Variants in NUP210L observed in about 807,000 individuals in gnomAD.
NUP210L encodes nuclear pore membrane glycoprotein 210-like.
Under a neutral mutation model 208.5 loss-of-function variants are expected in NUP210L, and 74 were observed. That is an observed-to-expected ratio of 0.35 (90% CI 0.29 to 0.43). The LOEUF (loss-of-function observed/expected upper bound fraction) is 0.43, where lower values mean the gene tolerates loss of function less well. Among genes scored for constraint, NUP210L ranks in the 20% least tolerant of loss-of-function variants. The pLI is 1.00. For missense variants in NUP210L, 1,843 were observed against 2,289.4 expected (o/e 0.81, Z 3.98); for synonymous variants, 780 against 816.9 (o/e 0.95, Z 0.77).
intron 17 of NUP210L, among the ~76,000 whole-genome samples, chr1:154,062,736 C>T (rs1025220017): frequency 1.3e-5 from 2 of 151,636 alleles, no homozygotes; most frequent in African/African-American, 4.8e-5. Context: ...CACAGGTGCA[C>T]GTCAACATGC....
intron 25 of NUP210L, among the ~76,000 whole-genome samples, chr1:154,052,368 A>G (rs1653561088): frequency 6.6e-6 from 1 of 152,166 alleles, no homozygotes; most frequent in African/African-American, 2.4e-5. Context: ...CAGCCATGTC[A>G]AGACTGATGC....
chr1:154,124,184 C>T (rs1427411948), intron 10 of NUP210L, among the ~76,000 whole-genome samples: 2 of 107,522 alleles, frequency 1.9e-5, no homozygotes, highest in African/African-American at 8.2e-5. Flanking sequence ...GAGACTCCAT[C>T]TCAAAAAGAA....
intron 10 of NUP210L, among the ~76,000 whole-genome samples, chr1:154,120,397 T>A (rs1182630699): frequency 6.6e-6 from 1 of 152,046 alleles, no homozygotes; most frequent in Non-Finnish European, 1.5e-5. Context: ...AAACACCGTA[T>A]GCTCTCACTC....
At chr1:154,100,206 T>C in intron 13 of NUP210L, 63 bp from the exon 14 acceptor site, 3 of 1,514,154 alleles carry the variant, frequency 2.0e-6, no homozygotes, top group Non-Finnish European at 2.7e-6. Context: ...TCCCAGCACT[T>C]TGGGAGGCCA....
chr1:154,026,442 G>C (rs1055267047), intron 29 of NUP210L, among the ~76,000 whole-genome samples: 53 of 152,022 alleles, frequency 3.5e-4, no homozygotes, highest in African/African-American at 1.2e-3. Flanking sequence ...TCCGCCTCCC[G>C]GGTTCAAGTG....
At chr1:154,093,968 C>G (rs1383539867) in intron 15 of NUP210L, among the ~76,000 whole-genome samples, 4 of 152,110 alleles carry the variant, frequency 2.6e-5, no homozygotes, top group Middle Eastern at 3.4e-3. Context: ...CTGGCCAACA[C>G]AGTGAAACCC....
intron 12 of NUP210L, among the ~76,000 whole-genome samples, chr1:154,114,965 G>GTT (rs530946564): frequency 6.6e-6 from 1 of 152,222 alleles, no homozygotes; most frequent in East Asian, 1.9e-4. Context: ...GGCTTTAAAT[G>GTT]TTTAACTCTT....
intron 22 of NUP210L, 128 bp from the exon 23 acceptor site, chr1:154,057,075 C>T: frequency 1.3e-6 from 1 of 783,290 alleles, no homozygotes; most frequent in Non-Finnish European, 2.0e-6. Context: ...ACCTCCCAGA[C>T]TCAATGTATC....
At position 153,992,927 on chromosome 1, in the gene NUP210L, T is replaced by TA. The variant is rs755442033; in HGVS notation, c.5574dup (p.Asn1859Ter). The TA allele has an allele frequency of 1.5e-5, 24 of 1,610,670 alleles. No homozygotes were observed. Among genetic ancestry groups the TA allele is most frequent in the Non-Finnish European group, 1.7e-5 (20 of 1,179,068 alleles). ...AAGTGAGGGGGAGAACTTGTGGAGT[T>TA]AAAAAAACCTAGAAGAAGAGGGAAA... On this transcript the variant is annotated frameshift_variant, in exon 40 of 40. Transcript: ENST00000368559. LOFTEE classifies it low-confidence loss of function (END_TRUNC).
intron 25 of NUP210L, among the ~76,000 whole-genome samples, chr1:154,052,518 A>C (rs956874276): frequency 2.0e-5 from 3 of 152,234 alleles, no homozygotes; most frequent in African/African-American, 7.2e-5. Flanking sequence ...ATTTAACAAT[A>C]GTTATGATAG....
chr1:154,001,259 G>A (rs1458488839), intron 36 of NUP210L, among the ~76,000 whole-genome samples, 199 bp from the exon 37 acceptor site: 2 of 152,106 alleles, frequency 1.3e-5, no homozygotes, highest in East Asian at 1.9e-4. Context: ...GTGCAGTGGC[G>A]CGATCTCAGC....
At chr1:154,135,672 C>G (rs1658497545) in intron 7 of NUP210L, 142 bp downstream of exon 7, 2 of 626,410 alleles carry the variant, frequency 3.2e-6, no homozygotes, top group African/African-American at 3.7e-5. Flanking sequence ...CAGCCCGCCT[C>G]GGCCTCCCAA....
Position 154,046,359 on chromosome 1 carries a change from T to G in NUP210L, c.3494A>C (p.Gln1165Pro), listed in dbSNP as rs12077542. 1.8e-4 allele frequency: 292 copies of G among 1,614,042 alleles called. No homozygotes were observed. In the African/African-American group the frequency reaches 3.5e-3, roughly 19 times the overall value. ...AGCCCTTAGCTGAACAACTTCAATC[T>G]GTACTTCATCCTGCTCAACAGGGTG... Residue 1165 changes from glutamine to proline, a missense_variant, in exon 26 of 40, where the codon CAG becomes CCG. Gln to Pro is a moderately conservative substitution (Grantham distance 76, BLOSUM62 -1). This residue lies in a region of NUP210L where 781 missense variants were observed against 973.8 expected (regional missense o/e 0.80). Transcript: ENST00000368559.
chr1:154,055,104 T>TTTTC (rs1557943853), intron 23 of NUP210L, among the ~76,000 whole-genome samples: 1 of 149,898 alleles, frequency 6.7e-6, no homozygotes, highest in Non-Finnish European at 1.5e-5. Context: ...CTTCTCTTTC[T>TTTTC]TTTCTTTCTC....
chr1:154,054,618 C>T (rs1653708648), intron 24 of NUP210L, 152 bp downstream of exon 24: 1 of 740,894 alleles, frequency 1.3e-6, no homozygotes, highest in Non-Finnish European at 2.3e-6. Flanking sequence ...CATCATAGGT[C>T]AGGGAAAATA....
chr1:154,124,744 G>C (rs1386760028), intron 10 of NUP210L, among the ~76,000 whole-genome samples: 4 of 152,168 alleles, frequency 2.6e-5, no homozygotes, highest in Admixed American at 1.3e-4. Flanking sequence ...TTGAGCCTAG[G>C]AGTTTGAGAC....
chr1:154,001,043 T>C (rs1383105685), exon 37 of NUP210L: 2 of 1,613,860 alleles, frequency 1.2e-6, no homozygotes, highest in Non-Finnish European at 1.7e-6. Context: ...CCACTAGAAC[T>C]GGGGAGCTGG....
At chr1:154,071,125 A>G (rs1429078474) in intron 16 of NUP210L, among the ~76,000 whole-genome samples, 1 of 148,526 alleles carries the variant, frequency 6.7e-6, no homozygotes, top group South Asian at 2.1e-4. Flanking sequence ...GAGACAGGGT[A>G]TCTCTCAGTT....
At chr1:154,008,535 C>T (rs1470624043) in intron 35 of NUP210L, among the ~76,000 whole-genome samples, 1 of 152,110 alleles carries the variant, frequency 6.6e-6, no homozygotes, top group Admixed American at 6.6e-5. Flanking sequence ...TGTGAAACCC[C>T]ATCTCTATTA....
Sources: gnomAD v4.1 joint callset for allele counts (sites outside exome capture counted in the v4.1 genomes callset) on GRCh38, gnomAD v4.1.1 for gene constraint, gnomAD v4.1.1 regional missense constraint, MANE v1.5 for transcripts, NCBI Gene and HGNC (gene_info 2026-07-23, HGNC 2026-07-21) for gene names.